The following EXPH5 variants were observed in gnomAD, a reference collection of about 807,000 sequenced individuals.
EXPH5 encodes the protein exophilin-5.
Under a neutral mutation model 41.1 loss-of-function variants are expected in EXPH5, and 42 were observed. That is an observed-to-expected ratio of 1.02 (90% CI 0.80 to 1.32). The LOEUF (loss-of-function observed/expected upper bound fraction) is 1.32. EXPH5 is among the 40% of genes most tolerant of loss of function. The pLI, the probability that EXPH5 is intolerant of heterozygous loss-of-function variation, is 0.00. For missense variants in EXPH5, 2,298 were observed against 2,314.5 expected, an observed-to-expected ratio of 0.99 and a Z score of 0.15; for synonymous variants, 798 against 833.5, an observed-to-expected ratio of 0.96 and a Z score of 0.73.
chr11:108,521,728 T>C (rs1363903854), intron 4 of EXPH5, among the ~76,000 whole-genome samples: 1 of 152,208 alleles, frequency 6.6e-6, no homozygotes, highest in Non-Finnish European at 1.5e-5. Context: ...ATAATAACAA[T>C]TAGTTACAGA....
intron 4 of EXPH5, among the ~76,000 whole-genome samples, chr11:108,527,542 A>C (rs2093808150): frequency 1.3e-5 from 2 of 152,196 alleles, no homozygotes; most frequent in South Asian, 4.1e-4. Flanking sequence ...TTTTATCTCC[A>C]AACCATACGA....
Position 108,511,233 on chromosome 11 carries a change from G to C in EXPH5, c.4274C>G (p.Ser1425Cys). 6.2e-7 allele frequency: 1 copy of C among 1,611,742 alleles called. No individual in the cohort carries two copies. The highest frequency in any genetic ancestry group is 8.5e-7 in the Non-Finnish European group (1 of 1,179,514). Reference sequence around the variant, plus strand: ...AACTTCTGAAAGAGCTGGAAGACTAGAGGGACCACTGTTACTTGAATTAAT... The same window carrying C: ...AACTTCTGAAAGAGCTGGAAGACTACAGGGACCACTGTTACTTGAATTAAT... The part of the protein sequence containing the change: ...QSINSSNSGP[S>C]SLPALSEVNI... Residue 1425 changes from serine to cysteine, a missense_variant, in exon 6 of 6, where the codon TCT (serine) becomes TGT (cysteine). By Grantham distance (112) the Ser-to-Cys change is moderately radical. Coordinates refer to ENST00000265843, the MANE Select transcript of EXPH5 (RefSeq NM_015065.3).
At chr11:108,554,302 G>A (rs1020667204) in intron 1 of EXPH5, among the ~76,000 whole-genome samples, 1 of 152,082 alleles carries the variant, frequency 6.6e-6, no homozygotes, top group Non-Finnish European at 1.5e-5. Context: ...TGATCCTCCC[G>A]CCTCAGCCTC....
At chr11:108,589,549 T>A (rs78533545) in intron 1 of EXPH5, among the ~76,000 whole-genome samples, 1 of 152,328 alleles carries the variant, frequency 6.6e-6, no homozygotes, top group Non-Finnish European at 1.5e-5. Flanking sequence ...ATGGTCTAAA[T>A]CTAGACATGC....
At chr11:108,536,224 T>C (rs1296091569) in intron 3 of EXPH5, among the ~76,000 whole-genome samples, 1 of 152,000 alleles carries the variant, frequency 6.6e-6, no homozygotes, top group Non-Finnish European at 1.5e-5. Flanking sequence ...GGGAAGTGTA[T>C]ATGTTTGAGA....
Position 108,513,153 on chromosome 11 carries a change from T to C in EXPH5, c.2354A>G (p.His785Arg), listed in dbSNP as rs1044383237. 5 of 1,613,812 alleles carry C rather than the reference T, an allele frequency of 3.1e-6. No individual in the cohort carries two copies. The African/African-American group carries it at 5.3e-5, about 17-fold the overall frequency. ...RKDTSKMYIP[H>R]TDKSNDIKQD... ...TTTAATGTCATTGGATTTATCTGTG[T>C]GCGGTATATACATTTTGGAGGTATC... is the stretch of plus-strand genomic sequence containing the variant. The change falls in exon 6 of 6, where the codon CAC becomes CGC. Residue 785 changes from histidine (H) to arginine (R), a missense_variant. Coordinates refer to ENST00000265843, the MANE Select transcript of EXPH5 (RefSeq NM_015065.3).
intron 4 of EXPH5, among the ~76,000 whole-genome samples, chr11:108,527,040 T>C (rs967162711): frequency 6.6e-6 from 1 of 151,890 alleles, no homozygotes; most frequent in African/African-American, 2.4e-5. Flanking sequence ...CTGTTTCCAG[T>C]TGGGCATGGT....
rs1012432184 is a variant in EXPH5 at position 108,535,617 on chromosome 11, GA to G, written c.443+3406del. 4.0e-5 allele frequency among the ~76,000 whole-genome samples: 6 copies of G among 150,674 alleles called. No individual in the cohort carries two copies. The East Asian group carries it at 9.7e-4, about 24-fold the overall frequency. On this transcript the variant is annotated intron_variant, in intron 3 of 5. Coordinates refer to ENST00000265843, the MANE Select transcript of EXPH5 (RefSeq NM_015065.3). ...AGAGATCAAGAGACAGAGAGAACAG[GA>G]AAAAAAAAGTGATCTGCCCTTTTAA...
At chr11:108,538,133 G>C in intron 3 of EXPH5, 1 of 985,450 alleles carries the variant, frequency 1.0e-6, no homozygotes, top group Non-Finnish European at 1.2e-6. Context: ...AAATCCAGCA[G>C]CCTCATCACA....
At chr11:108,528,237 G>T in intron 3 of EXPH5, 53 bp from the exon 4 acceptor site, 1 of 1,316,828 alleles carries the variant, frequency 7.6e-7, no homozygotes, top group Non-Finnish European at 1.1e-6. Context: ...ACTTTTACCA[G>T]GCGGAAAAAT....
At chr11:108,574,099 CG>C (rs2094072005) in intron 1 of EXPH5, among the ~76,000 whole-genome samples, 1 of 150,296 alleles carries the variant, frequency 6.7e-6, no homozygotes, top group African/African-American at 2.4e-5. Context: ...TTAGTAGAGA[CG>C]GGGTTTCACC....
chr11:108,518,385 G>C lies in EXPH5; in HGVS notation c.493-12C>G. The C allele has an allele frequency of 2.5e-6, 4 of 1,612,684 alleles. No homozygotes were observed. The highest frequency in any genetic ancestry group is 3.4e-6 in the Non-Finnish European group (4 of 1,179,262). On this transcript the variant is annotated splice_polypyrimidine_tract_variant and intron_variant, in intron 4 of 5. Coordinates refer to ENST00000265843, the MANE Select transcript of EXPH5 (RefSeq NM_015065.3). ...TATATTTTTGCCTGCTAATTTTAAA[G>C]CAGAGAACACAATATTATTTCTGAG... is the stretch of plus-strand genomic sequence containing the variant.
rs1459372003 is a variant in EXPH5 at position 108,513,943 on chromosome 11, C to T, written c.1564G>A (p.Gly522Ser). 6.2e-7 allele frequency: 1 copy of T among 1,607,670 alleles called. No individual in the cohort carries two copies. The highest frequency in any genetic ancestry group is 2.2e-5 in the East Asian group (1 of 44,870). The part of the protein sequence containing the change: ...MEANSVSAIH[G>S]HNVSSEHWES... ...CAGTGTTCAGAAGAAACATTATGGC[C>T]ATGAATGGCTGATACACTATTTGCT... Residue 522 changes from glycine to serine, a missense_variant, in exon 6 of 6, where the codon GGC becomes AGC. Gly to Ser is a moderately conservative substitution (Grantham distance 56). Coordinates refer to ENST00000265843, the MANE Select transcript of EXPH5 (RefSeq NM_015065.3).
chr11:108,556,550 G>A (rs1373946245), intron 1 of EXPH5, among the ~76,000 whole-genome samples: 2 of 152,050 alleles, frequency 1.3e-5, no homozygotes, highest in Non-Finnish European at 2.9e-5. Context: ...TTGGCTCACC[G>A]CAACCTCTGC....
intron 1 of EXPH5, among the ~76,000 whole-genome samples, chr11:108,588,032 C>T (rs1185354714): frequency 6.6e-6 from 1 of 152,144 alleles, no homozygotes; most frequent in Non-Finnish European, 1.5e-5. Flanking sequence ...GGATTACAGG[C>T]GTGAGCCACA....
chr11:108,541,191 C>A (rs1474462259), intron 2 of EXPH5, among the ~76,000 whole-genome samples: 1 of 152,144 alleles, frequency 6.6e-6, no homozygotes, highest in East Asian at 1.9e-4. Flanking sequence ...AAGTGTGAGC[C>A]ACCCCCGACC....
Position 108,543,381 on chromosome 11 carries a change from A to G in EXPH5, c.120-1569T>C, listed in dbSNP as rs542239557. Reference sequence around the variant, plus strand: ...TGGAAATGAGAGGTGCCTAATCCAGAGGGAGATGTTCCTGGATGGAGGCAA... The same window carrying G: ...TGGAAATGAGAGGTGCCTAATCCAGGGGGAGATGTTCCTGGATGGAGGCAA... On this transcript the variant is annotated intron_variant, in intron 1 of 5. Coordinates refer to ENST00000265843, the MANE Select transcript of EXPH5 (RefSeq NM_015065.3). Among the ~76,000 whole-genome samples the G allele has an allele frequency of 2.0e-5, 3 of 152,298 alleles. No homozygotes were observed. In the South Asian group the frequency reaches 6.2e-4, roughly 32 times the overall value.
chr11:108,559,180 A>G (rs1008843474), intron 1 of EXPH5, among the ~76,000 whole-genome samples: 1 of 152,210 alleles, frequency 6.6e-6, no homozygotes, highest in Non-Finnish European at 1.5e-5. Flanking sequence ...TCCCCAAGTC[A>G]AGTGTCGATT....
chr11:108,565,410 C>T (rs1019105110), intron 1 of EXPH5, among the ~76,000 whole-genome samples: 7 of 152,314 alleles, frequency 4.6e-5, no homozygotes, highest in South Asian at 4.1e-4. Context: ...CTACAGCACA[C>T]CACAGATCAG....
Sources: gnomAD v4.1 joint callset for allele counts (sites outside exome capture counted in the v4.1 genomes callset) on GRCh38, gnomAD v4.1.1 for gene constraint, MANE v1.5 for transcripts, NCBI Gene and HGNC (gene_info 2026-07-23, HGNC 2026-07-21) for gene names.